BCAS3: variants seen among roughly 807,000 people sequenced by gnomAD.
BCAS3 encodes the protein BCAS4/BCAS3 fusion.
Under a neutral mutation model 116.1 loss-of-function variants are expected in BCAS3, and 53 were observed. The ratio of observed to expected loss-of-function variants is 0.46; its 90% confidence interval spans 0.37 to 0.57. BCAS3 has a LOEUF of 0.57. Among genes scored for constraint, BCAS3 ranks in the 20% least tolerant of loss-of-function variants. The probability of loss-of-function intolerance (pLI) is 0.00; values close to 1 mark genes in which losing one functional copy is unlikely to be tolerated. For synonymous variants in BCAS3, 391 were observed against 408.2 expected (o/e 0.96, Z 0.51); for missense variants, 917 against 1,165.4 (o/e 0.79, Z 3.10).
At position 61,105,293 on chromosome 17, in the gene BCAS3, T is replaced by A. The variant is rs1316754702; in HGVS notation, c.2425+20729T>A. On this transcript the variant is annotated intron_variant, in intron 22 of 23. Coordinates refer to ENST00000407086, the MANE Select transcript of BCAS3 (RefSeq NM_017679.5). The surrounding 1 kb of genome is among the most constrained non-coding windows in gnomAD (Gnocchi z 4.3). Reference sequence around the variant, plus strand: ...CCTTTAATTTCTTTAAACTAAATGATCACAGAAAAACCTAGGAGGAGCTAG... The same window carrying A: ...CCTTTAATTTCTTTAAACTAAATGAACACAGAAAAACCTAGGAGGAGCTAG... 2.0e-5 allele frequency among the ~76,000 whole-genome samples: 3 copies of A among 152,182 alleles called. No individual in the cohort carries two copies. Among genetic ancestry groups the A allele is most frequent in the African/African-American group, 7.2e-5 (3 of 41,456 alleles).
At chr17:60,893,496 C>T (rs2057311509) in intron 10 of BCAS3, among the ~76,000 whole-genome samples, 1 of 151,908 alleles carries the variant, frequency 6.6e-6, no homozygotes, top group Admixed American at 6.6e-5. Flanking sequence ...AATAGGGTGT[C>T]CCTTCTCCAT....
chr17:61,176,073 A>C (rs2144142481), intron 22 of BCAS3, among the ~76,000 whole-genome samples: 1 of 145,006 alleles, frequency 6.9e-6, no homozygotes, highest in East Asian at 2.1e-4. Flanking sequence ...TAGGAGGGGA[A>C]GGCTGCAGTG....
chr17:60,905,435 A>G (rs1262430291), intron 11 of BCAS3, among the ~76,000 whole-genome samples: 2 of 152,238 alleles, frequency 1.3e-5, no homozygotes, highest in African/African-American at 4.8e-5. Context: ...CTTAATAAAT[A>G]CAGATAGTTT....
chr17:61,336,784 T>C (rs1415561698), intron 22 of BCAS3, among the ~76,000 whole-genome samples: 1 of 152,208 alleles, frequency 6.6e-6, no homozygotes, highest in African/African-American at 2.4e-5. Context: ...GGAAAAGTCT[T>C]GCCCAAGGTT....
chr17:61,061,382 AC>A, intron 19 of BCAS3, among the ~76,000 whole-genome samples: 1 of 151,992 alleles, frequency 6.6e-6, no homozygotes, highest in East Asian at 1.9e-4. Flanking sequence ...TGCAAACATC[AC>A]CCCCCATCCT....
At chr17:60,787,961 G>A (rs541353743) in intron 6 of BCAS3, among the ~76,000 whole-genome samples, 1 of 150,982 alleles carries the variant, frequency 6.6e-6, no homozygotes, top group Non-Finnish European at 1.5e-5. Flanking sequence ...AAGATGAATG[G>A]TTTCACCATA....
chr17:60,722,033 G>A (rs776949995), intron 5 of BCAS3, among the ~76,000 whole-genome samples: 6 of 152,060 alleles, frequency 3.9e-5, no homozygotes, highest in Non-Finnish European at 8.8e-5. Context: ...ATGCTATTGT[G>A]TGTAACATTA....
At chr17:60,929,477 G>A (rs1199479273) in intron 13 of BCAS3, among the ~76,000 whole-genome samples, 7 of 152,072 alleles carry the variant, frequency 4.6e-5, no homozygotes, top group Non-Finnish European at 1.0e-4. Context: ...CTGCACACTG[G>A]CTGAATTATA....
At position 61,004,811 on chromosome 17, in the gene BCAS3, A is replaced by C. The variant is rs2064535091; in HGVS notation, c.1487-10940A>C. ...GGAAATTACTATTTCAGAATGGACCAAGGTGGAATTAACATGGGCACTGTT... is the reference window on the plus strand; with the variant it reads ...GGAAATTACTATTTCAGAATGGACCCAGGTGGAATTAACATGGGCACTGTT... On this transcript the variant is annotated intron_variant, in intron 15 of 23. Coordinates refer to ENST00000407086, the MANE Select transcript of BCAS3 (RefSeq NM_017679.5). The surrounding 1 kb of genome is among the most constrained non-coding windows in gnomAD (Gnocchi z 4.8). Among the ~76,000 whole-genome samples, 1 of 152,146 alleles carries C rather than the reference A, an allele frequency of 6.6e-6. No individual in the cohort carries two copies. Among genetic ancestry groups the C allele is most frequent in the Non-Finnish European group, 1.5e-5 (1 of 68,000 alleles).
chr17:61,146,882 GT>G (rs1267159015), intron 22 of BCAS3, among the ~76,000 whole-genome samples: 1 of 152,042 alleles, frequency 6.6e-6, no homozygotes, highest in African/African-American at 2.4e-5. Context: ...AACCCACTTA[GT>G]TTTTTTAATG....
At chr17:60,889,102 T>C (rs1295884600) in intron 9 of BCAS3, among the ~76,000 whole-genome samples, 1 of 152,210 alleles carries the variant, frequency 6.6e-6, no homozygotes, top group African/African-American at 2.4e-5. Flanking sequence ...CAATTAACTG[T>C]TGTTATTGGC....
chr17:60,931,320 G>C (rs989395381), intron 13 of BCAS3, among the ~76,000 whole-genome samples: 2 of 151,802 alleles, frequency 1.3e-5, no homozygotes, highest in Non-Finnish European at 2.9e-5. Flanking sequence ...CTGTTGCCTA[G>C]GCTGGAGTGC....
In BCAS3 at chr17:61,373,504, A is replaced by T. The variant is rs192445126; in HGVS notation, c.2593+5010A>T. On this transcript the variant is annotated intron_variant, in intron 23 of 23. Transcript: ENST00000407086. ...GAGTGCTGTGGCACGATCTCGGCTCACTGCAACCTCCACCTCATGGGTTCA... is the reference window on the plus strand; with the variant it reads ...GAGTGCTGTGGCACGATCTCGGCTCTCTGCAACCTCCACCTCATGGGTTCA... Among the ~76,000 whole-genome samples, 4 of 150,628 alleles carry T rather than the reference A, an allele frequency of 2.7e-5. No individual in the cohort carries two copies. The East Asian group carries it at 7.9e-4, about 30-fold the overall frequency.
At position 61,026,743 on chromosome 17, in the gene BCAS3, A is replaced by G. The variant is rs1013821541; in HGVS notation, c.1638-7923A>G. 1.1e-6 allele frequency: 1 copy of G among 900,838 alleles called. No individual in the cohort carries two copies. Among genetic ancestry groups the G allele is most frequent in the Admixed American group, 2.1e-5 (1 of 47,802 alleles). 55.8% of individuals were successfully genotyped at this position (900,838 alleles called of 1,614,324 possible). On this transcript the variant is annotated intron_variant, in intron 16 of 23. Transcript: ENST00000407086. This position sits in a 1 kb window ranked among gnomAD's most constrained non-coding sequence, Gnocchi z 5.0. The stretch of plus-strand genomic sequence containing the variant: ...GACAGTATGTACAGCAGAATTGTAA[A>G]TGATTACTAATTTTTTAGTTATTTT...
At chr17:60,953,403 A>T (rs1369605454) in intron 14 of BCAS3, among the ~76,000 whole-genome samples, 2 of 150,708 alleles carry the variant, frequency 1.3e-5, no homozygotes, top group East Asian at 3.9e-4. Flanking sequence ...CCACTATTTA[A>T]TGGGGTTTTT....
chr17:61,079,077 T>G (rs976336094), intron 21 of BCAS3, among the ~76,000 whole-genome samples: 1 of 152,206 alleles, frequency 6.6e-6, no homozygotes, highest in African/African-American at 2.4e-5. Flanking sequence ...TTAGCTTTTT[T>G]TTTTAATTGC....
At chr17:60,851,473 C>A (rs1246649915) in intron 7 of BCAS3, 1 of 526,442 alleles carries the variant, frequency 1.9e-6, no homozygotes, top group Non-Finnish European at 3.8e-6. Flanking sequence ...CTTGCTCCTG[C>A]AAAAATGGAA....
Position 61,309,371 on chromosome 17 carries a change from G to A in BCAS3, c.2426-58956G>A, listed in dbSNP as rs1175323142. On this transcript the variant is annotated intron_variant, in intron 22 of 23. Transcript: ENST00000407086. The surrounding 1 kb of genome is among the most constrained non-coding windows in gnomAD (Gnocchi z 4.6). ...TGACGGAACTGGTATGGGCAGATGA[G>A]CATGCCTGAGTACTGAACACTACCG... Among the ~76,000 whole-genome samples the A allele has an allele frequency of 6.6e-6, 1 of 152,048 alleles. No individual in the cohort carries two copies. Among genetic ancestry groups the A allele is most frequent in the East Asian group, 1.9e-4 (1 of 5,182 alleles).
intron 21 of BCAS3, among the ~76,000 whole-genome samples, chr17:61,080,657 G>T (rs1160752416): frequency 6.6e-6 from 1 of 152,126 alleles, no homozygotes; most frequent in Admixed American, 6.5e-5. Context: ...CTACTCGGGA[G>T]GCTGCGGCAG....
Sources: gnomAD v4.1 joint callset for allele counts (sites outside exome capture counted in the v4.1 genomes callset) on GRCh38, gnomAD v4.1.1 for gene constraint, Gnocchi (gnomAD v3.1) non-coding constraint, MANE v1.5 for transcripts, NCBI Gene and HGNC (gene_info 2026-07-23, HGNC 2026-07-21) for gene names.